PSG4: variants seen among roughly 807,000 people sequenced by gnomAD.
PSG4 encodes pregnancy specific beta-1-glycoprotein 4.
A neutral mutation model predicts 44.3 loss-of-function variants in PSG4; 61 were observed. The observed-to-expected ratio is 1.38, with a 90% CI of 1.12 to 1.70. PSG4 has a LOEUF of 1.70. Ranked by LOEUF, PSG4 falls within the 40% of genes most tolerant of loss-of-function variation. The probability of loss-of-function intolerance (pLI) is 0.00; values close to 1 mark genes in which losing one functional copy is unlikely to be tolerated. For missense variants in PSG4, 677 were observed against 511.7 expected (o/e 1.32, Z -3.12); for synonymous variants, 248 against 191.3 (o/e 1.30, Z -2.45).
intron 2 of PSG4, among the ~76,000 whole-genome samples, chr19:43,200,898 A>C (rs545244023): frequency 6.8e-6 from 1 of 146,120 alleles, no homozygotes. Flanking sequence ...TGAGTTGTTG[A>C]CTTTTTACTT....
chr19:43,202,931 C>T (rs1967585781), intron 2 of PSG4, among the ~76,000 whole-genome samples: 1 of 144,536 alleles, frequency 6.9e-6, no homozygotes, highest in African/African-American at 2.7e-5. Context: ...CTCATGTGAC[C>T]CCGATCTCCC....
chr19:43,204,904 A>G (rs781745997), intron 1 of PSG4: 13 of 375,316 alleles, frequency 3.5e-5, no homozygotes, highest in Non-Finnish European at 6.2e-5. Flanking sequence ...TTGAAGTGTC[A>G]TCTGATATAG....
At chr19:43,196,180 T>C (rs1264296424) in intron 3 of PSG4, among the ~76,000 whole-genome samples, 4 of 151,602 alleles carry the variant, frequency 2.6e-5, no homozygotes, top group Admixed American at 2.6e-4. Flanking sequence ...ATGAGACAAA[T>C]TTGGAGAGAA....
intron 2 of PSG4, chr19:43,203,230 G>C (rs1341074010): frequency 6.8e-6 from 1 of 146,428 alleles, no homozygotes. Flanking sequence ...GGGGACATTA[G>C]ACTTTCTATG....
rs530766369 is a variant in PSG4, at chr19:43,195,400, G to C, written c.710-127C>G. 48 of 1,441,328 alleles carry C rather than the reference G, an allele frequency of 3.3e-5. 1 individual carries two copies. In the African/African-American group the frequency reaches 4.0e-4, roughly 12 times the overall value. 89.3% of individuals were successfully genotyped at this position (1,441,328 alleles called of 1,614,324 possible). ...GAGTCCTTGAAAGCCAATAGCTGGT[G>C]CTTCTGTCACAAGATAGATGCATGA... On this transcript the variant is annotated intron_variant, in intron 3 of 5. Coordinates refer to ENST00000405312, the MANE Select transcript of PSG4 (RefSeq NM_002780.5).
At position 43,197,868 on chromosome 19, in the gene PSG4, C is replaced by G; in HGVS notation, c.709+129G>C. 4 of 1,558,788 alleles carry G rather than the reference C, an allele frequency of 2.6e-6. No homozygotes were observed. In the South Asian group the frequency reaches 4.6e-5, roughly 18 times the overall value. ...CTCTGGTTTGCCTGGGGCAGAAAGT[C>G]ATGGCCAGCTTTGATGTCTAGGGGT... On this transcript the variant is annotated intron_variant, in intron 3 of 5. Transcript: ENST00000405312.
rs144715552 is a variant in PSG4, at chr19:43,204,206, G to C, written c.110C>G (p.Thr37Arg). 3 of 1,583,138 alleles carry C rather than the reference G, an allele frequency of 1.9e-6. No homozygotes were observed. In the South Asian group the frequency reaches 3.3e-5, roughly 18 times the overall value. Residue 37 changes from threonine to arginine, a missense_variant, in exon 2 of 6, where the codon ACG becomes AGG. Physicochemically the swap from Thr to Arg is moderately conservative, Grantham distance 71. Coordinates refer to ENST00000405312, the MANE Select transcript of PSG4 (RefSeq NM_002780.5). ...AACTTTGGGTGGCTGGGCTTCAATC[G>C]TGACTTGGGCAGTTGTGGGCGGATT... is the stretch of plus-strand genomic sequence containing the variant. ...FWNPPTTAQV[T>R]IEAQPPKVSE... is the part of the protein sequence containing the mutation.
rs1352092135 is a variant in PSG4, at chr19:43,197,718, C to T, written c.709+279G>A. On this transcript the variant is annotated intron_variant, in intron 3 of 5. Coordinates refer to ENST00000405312, the MANE Select transcript of PSG4 (RefSeq NM_002780.5). Reference sequence around the variant, plus strand: ...CAACACTGAAGTCCCAGCCAAATCCCCGCTGTGTTCACTGATCTGGAGCCT... The same window carrying T: ...CAACACTGAAGTCCCAGCCAAATCCTCGCTGTGTTCACTGATCTGGAGCCT... 2.5e-5 allele frequency: 16 copies of T among 639,044 alleles called. 1 individual carries two copies. Among genetic ancestry groups the T allele is most frequent in the Non-Finnish European group, 3.1e-5 (13 of 416,122 alleles). 39.6% of individuals were successfully genotyped at this position (639,044 alleles called of 1,614,324 possible).
intron 2 of PSG4, among the ~76,000 whole-genome samples, chr19:43,199,879 A>G (rs368330520): frequency 1.4e-5 from 2 of 145,522 alleles, no homozygotes; most frequent in East Asian, 2.4e-4. Flanking sequence ...TTATGCTCAA[A>G]GAAAGATGCC....
chr19:43,204,008 G>C lies in PSG4; in HGVS notation c.308C>G (p.Ser103Cys). ...ATTCTGGATCAGCAGGGATGCATTG[G>C]AATATACTCTTTCTCTTCCACTGTA... is the stretch of plus-strand genomic sequence containing the variant. ...PAYSGRERVY[S>C]NASLLIQNVT... is the part of the protein sequence containing the mutation. The change falls in exon 2 of 6, where the codon TCC becomes TGC. Residue 103 changes from serine (S) to cysteine (C), a missense_variant. Physicochemically the swap from Ser to Cys is moderately radical, Grantham distance 112. Coordinates refer to ENST00000405312, the MANE Select transcript of PSG4 (RefSeq NM_002780.5). 1 of 1,587,730 alleles carries C rather than the reference G, an allele frequency of 6.3e-7. No individual in the cohort carries two copies. The highest frequency in any genetic ancestry group is 1.4e-5 in the African/African-American group (1 of 69,796).
chr19:43,194,477 T>C lies in PSG4; in HGVS notation c.1106A>G (p.Asn369Ser), dbSNP rs369653213. 1.9e-6 allele frequency: 3 copies of C among 1,612,352 alleles called. No individual in the cohort carries two copies. Among genetic ancestry groups the C allele is most frequent in the South Asian group, 1.1e-5 (1 of 91,036 alleles). ...TTGTCCTGATAGCTGAAACTTCCCA[T>C]TAATTGTCCAAGAATATTGTGCCCG... ...NPRAQYSWTI[N>S]GKFQLSGQKL... Residue 369 changes from asparagine (N) to serine (S), a missense_variant, in exon 5 of 6, where the codon AAT becomes AGT. Physicochemically the swap from Asn to Ser is conservative, Grantham distance 46. Coordinates refer to ENST00000405312, the MANE Select transcript of PSG4 (RefSeq NM_002780.5).
rs564338753 is a variant in PSG4, at chr19:43,204,784, T to C, written c.65-533A>G. On this transcript the variant is annotated intron_variant, in intron 1 of 5. Transcript: ENST00000405312. ...GTACCTGGAACAGGCGGCAGACTCC[T>C]GTAGATGTGAGAGTTCTCAGGGTCT... 6.7e-5 allele frequency: 27 copies of C among 404,222 alleles called. 5 individuals are homozygous for C. The highest frequency in any genetic ancestry group is 5.0e-4 in the African/African-American group (18 of 36,258). The allele number at this position is 404,222 out of a possible 1,614,324, so 25.0% of individuals were successfully genotyped here. A position where few individuals can be genotyped will look rare whatever the true frequency, so the allele number is the denominator to read the frequency against.
chr19:43,196,250 C>T (rs1285389130), intron 3 of PSG4, among the ~76,000 whole-genome samples: 2 of 151,538 alleles, frequency 1.3e-5, no homozygotes, highest in Non-Finnish European at 2.9e-5. Flanking sequence ...GGTTCGACTA[C>T]TCTAGGGACC....
intron 2 of PSG4, among the ~76,000 whole-genome samples, chr19:43,201,020 TCC>T (rs1967485970): frequency 6.9e-6 from 1 of 145,264 alleles, no homozygotes. Flanking sequence ...GAGGATGGAG[TCC>T]CAAGTGATAC....
At position 43,193,563 on chromosome 19, in the gene PSG4, G is replaced by A. The variant is rs186743720; in HGVS notation, c.1244-175C>T. The A allele has an allele frequency of 6.4e-4, 405 of 631,000 alleles. 17 individuals are homozygous for A. The highest frequency in any genetic ancestry group is 6.3e-3 in the African/African-American group (345 of 54,726). The allele number at this position is 631,000 out of a possible 1,614,324, so 39.1% of individuals were successfully genotyped here. On this transcript the variant is annotated intron_variant, in intron 5 of 5. Transcript: ENST00000405312. The stretch of plus-strand genomic sequence containing the variant: ...CAAAATAGGTTGAGTTTCTTCAAAC[G>A]TGGTCTGATTCTTTACATAAGTGCA...
At chr19:43,201,499 C>G (rs992534039) in intron 2 of PSG4, among the ~76,000 whole-genome samples, 2 of 145,238 alleles carry the variant, frequency 1.4e-5, no homozygotes, top group African/African-American at 5.3e-5. Context: ...GTTTCTCATT[C>G]TTTTGCATTC....
At position 43,194,493 on chromosome 19, in the gene PSG4, A is replaced by G; in HGVS notation, c.1090T>C (p.Tyr364His). Residue 364 changes from tyrosine (Y) to histidine (H), a missense_variant, in exon 5 of 6, where the codon TAT becomes CAT. Transcript: ENST00000405312. ...CFAESNPRAQ[Y>H]SWTINGKFQL... Reference sequence around the variant, plus strand: ...AACTTCCCATTAATTGTCCAAGAATATTGTGCCCGTGGGTTAGACTCGGCG... The same window carrying G: ...AACTTCCCATTAATTGTCCAAGAATGTTGTGCCCGTGGGTTAGACTCGGCG... The G allele has an allele frequency of 3.1e-6, 5 of 1,612,484 alleles. No individual in the cohort carries two copies. Among genetic ancestry groups the G allele is most frequent in the Non-Finnish European group, 4.2e-6 (5 of 1,179,152 alleles).
At position 43,200,615 on chromosome 19, in the gene PSG4, G is replaced by T. The variant is rs1448393315; in HGVS notation, c.431-2340C>A. Among the ~76,000 whole-genome samples, 3 of 144,230 alleles carry T rather than the reference G, an allele frequency of 2.1e-5. 1 individual carries two copies. Among genetic ancestry groups the T allele is most frequent in the Non-Finnish European group, 3.0e-5 (2 of 66,938 alleles). The allele number at this position is 144,230 out of a possible 152,430, so 94.6% of individuals were successfully genotyped here. A position where few individuals can be genotyped will look rare whatever the true frequency, so the allele number is the denominator to read the frequency against. On this transcript the variant is annotated intron_variant, in intron 2 of 5. Transcript: ENST00000405312. ...TTCTGAGACAGAGTCTCGCTCTGTT[G>T]CCCAGGCTGGAGTGCAGTGGCATGA... is the stretch of plus-strand genomic sequence containing the variant.
At chr19:43,204,947 C>T (rs1196636434) in intron 1 of PSG4, 5 of 283,582 alleles carry the variant, frequency 1.8e-5, no homozygotes, top group Non-Finnish European at 6.6e-6. Flanking sequence ...TATGGTGGCC[C>T]CTGATGATTA....
Sources: gnomAD v4.1 joint callset for allele counts (sites outside exome capture counted in the v4.1 genomes callset) on GRCh38, gnomAD v4.1.1 for gene constraint, MANE v1.5 for transcripts, NCBI Gene and HGNC (gene_info 2026-07-23, HGNC 2026-07-21) for gene names.